PRKN: variants seen among roughly 807,000 people sequenced by gnomAD.
PRKN encodes parkin RBR E3 ubiquitin protein ligase.
In PRKN, 56 loss-of-function variants were observed where a neutral mutation model predicts 59.5. The ratio of observed to expected loss-of-function variants is 0.94; its 90% confidence interval spans 0.76 to 1.18. PRKN has a LOEUF of 1.18. Ranked by LOEUF, PRKN falls within the 50% of genes most tolerant of loss-of-function variation. The pLI is 0.00. For synonymous variants in PRKN, 250 were observed against 222.1 expected (o/e 1.13, Z -1.12); for missense variants, 657 against 596.4 (o/e 1.10, Z -1.06).
intron 1 of PRKN, among the ~76,000 whole-genome samples, chr6:162,508,773 GC>G (rs1236058534): frequency 6.6e-6 from 1 of 151,962 alleles, no homozygotes; most frequent in Non-Finnish European, 1.5e-5. Context: ...AGCTATATAA[GC>G]CCGGGAGGTT....
chr6:162,021,463 T>TATATATA (rs1562466053), intron 5 of PRKN, among the ~76,000 whole-genome samples: 69 of 26,964 alleles, frequency 2.6e-3, no homozygotes, highest in African/African-American at 6.9e-3. Context: ...ATATATATAT[T>TATATATA]TTTTTTTTTT....
At chr6:161,897,774 G>A (rs1777691085) in intron 6 of PRKN, among the ~76,000 whole-genome samples, 1 of 150,322 alleles carries the variant, frequency 6.7e-6, no homozygotes, top group African/African-American at 2.5e-5. Flanking sequence ...GAGGTCAGGA[G>A]ATCGAGACCA....
intron 1 of PRKN, among the ~76,000 whole-genome samples, chr6:162,637,140 C>T (rs1334586252): frequency 1.3e-5 from 2 of 151,804 alleles, no homozygotes; most frequent in Non-Finnish European, 2.9e-5. Flanking sequence ...GCCTATAATC[C>T]CAGCTACTCG....
chr6:161,808,257 T>C (rs1791418469), intron 6 of PRKN, among the ~76,000 whole-genome samples: 4 of 152,150 alleles, frequency 2.6e-5, no homozygotes. Flanking sequence ...ATTTAAAATA[T>C]TATTTTTATT....
chr6:162,541,578 T>G (rs1184672468), intron 1 of PRKN, among the ~76,000 whole-genome samples: 1 of 152,186 alleles, frequency 6.6e-6, no homozygotes, highest in African/African-American at 2.4e-5. Flanking sequence ...TCAGTAGGTT[T>G]GAGGCCCAGG....
At chr6:161,935,100 T>TGGAGATTTCAC (rs1489167698) in intron 6 of PRKN, among the ~76,000 whole-genome samples, 8 of 76,856 alleles carry the variant, frequency 1.0e-4, no homozygotes, top group Non-Finnish European at 2.1e-4. Context: ...GGAAAGTCTC[T>TGGAGATTTCAC]GGTGCCCTTT....
At chr6:162,415,019 A>G (rs1056469558) in intron 2 of PRKN, among the ~76,000 whole-genome samples, 1 of 152,116 alleles carries the variant, frequency 6.6e-6, no homozygotes, top group African/African-American at 2.4e-5. Context: ...ATTTTCACTG[A>G]TTTCTGAGAG....
At chr6:162,232,508 G>T (rs935599733) in intron 3 of PRKN, among the ~76,000 whole-genome samples, 3 of 152,210 alleles carry the variant, frequency 2.0e-5, no homozygotes, top group African/African-American at 7.2e-5. Context: ...TTCCTCAGAA[G>T]TGGTGGATTA....
intron 6 of PRKN, among the ~76,000 whole-genome samples, chr6:161,840,799 G>C (rs944420007): frequency 4.6e-5 from 7 of 151,684 alleles, no homozygotes; most frequent in Non-Finnish European, 8.8e-5. Flanking sequence ...TCTTTTTTTT[G>C]GCTACATGGT....
At chr6:161,797,212 G>A (rs866641438) in intron 6 of PRKN, among the ~76,000 whole-genome samples, 1 of 152,156 alleles carries the variant, frequency 6.6e-6, no homozygotes, top group South Asian at 2.1e-4. Flanking sequence ...ATGAATGAAT[G>A]TAATCGTATG....
intron 1 of PRKN, among the ~76,000 whole-genome samples, chr6:162,582,516 G>A (rs1316905239): frequency 6.6e-6 from 1 of 152,116 alleles, no homozygotes; most frequent in African/African-American, 2.4e-5. Context: ...AAGAAAAGAT[G>A]GAGTTACGAA....
chr6:162,264,437 T>G (rs888783553), intron 2 of PRKN, among the ~76,000 whole-genome samples: 6 of 152,092 alleles, frequency 3.9e-5, no homozygotes, highest in African/African-American at 1.4e-4. Flanking sequence ...TCTCAAGCTC[T>G]TCTGTTGCCC....
rs1786763977 is a variant in PRKN, at chr6:161,396,444, C to CTCAG, written c.1084-9568_1084-9567insCTGA. ...TTCTCAGACCTTATGGAGCAGTTGGCTCCTTCTAGAACTGGAGCACTGGTC... is the reference window on the plus strand; with the variant it reads ...TTCTCAGACCTTATGGAGCAGTTGGCTCAGTCCTTCTAGAACTGGAGCACTGGTC... On this transcript the variant is annotated intron_variant, in intron 9 of 11. Transcript: ENST00000366898. This position sits in a 1 kb window ranked among gnomAD's most constrained non-coding sequence, Gnocchi z 5.4. 6.6e-6 allele frequency among the ~76,000 whole-genome samples: 1 copy of CTCAG among 152,184 alleles called. No individual in the cohort carries two copies. The highest frequency in any genetic ancestry group is 1.5e-5 in the Non-Finnish European group (1 of 68,046).
At chr6:161,748,829 T>C (rs1244560599) in intron 7 of PRKN, among the ~76,000 whole-genome samples, 2 of 152,186 alleles carry the variant, frequency 1.3e-5, no homozygotes, top group African/African-American at 4.8e-5. Context: ...GAAAGTCTCC[T>C]TTCAAACATT....
chr6:162,429,532 G>T (rs1386147992), intron 2 of PRKN, among the ~76,000 whole-genome samples: 2 of 152,048 alleles, frequency 1.3e-5, no homozygotes, highest in Non-Finnish European at 2.9e-5. Context: ...TTCTCATGAA[G>T]CCCTGGCCTT....
intron 6 of PRKN, among the ~76,000 whole-genome samples, chr6:161,933,380 T>C (rs111299502): frequency 0.028 from 4,300 of 152,294 alleles, 198 homozygotes; most frequent in African/African-American, 0.098. Context: ...TAAATAACAT[T>C]TTCTTAAAGA....
At chr6:162,034,168 C>CATAT (rs747375762) in intron 5 of PRKN, among the ~76,000 whole-genome samples, 2,080 of 131,926 alleles carry the variant, frequency 0.016, 25 homozygotes, top group East Asian at 0.021. Context: ...TGTACACATA[C>CATAT]ATATATATAT....
chr6:161,767,081 G>A (rs1262996329), intron 7 of PRKN, among the ~76,000 whole-genome samples: 1 of 152,164 alleles, frequency 6.6e-6, no homozygotes, highest in Non-Finnish European at 1.5e-5. Flanking sequence ...TTGGGGTAGA[G>A]TCAGGATTAG....
intron 4 of PRKN, among the ~76,000 whole-genome samples, chr6:162,135,670 C>T (rs1252051766): frequency 6.6e-6 from 1 of 152,030 alleles, no homozygotes; most frequent in Admixed American, 6.6e-5. Context: ...GTGTAGCTGA[C>T]TGTGGATCTG....
Sources: allele counts gnomAD v4.1 joint callset (sites outside exome capture counted in the v4.1 genomes callset), GRCh38; gene constraint gnomAD v4.1.1; non-coding constraint Gnocchi (gnomAD v3.1); transcripts MANE v1.5; gene names NCBI Gene and HGNC (gene_info 2026-07-23, HGNC 2026-07-21).